The following OXR1 variants were observed in gnomAD, a reference collection of about 807,000 sequenced individuals.
OXR1 encodes the protein oxidation resistance 1, also known as oxidation resistance protein 1.
In OXR1, 41 loss-of-function variants were observed where a neutral mutation model predicts 104.6. The observed-to-expected ratio is 0.39, with a 90% CI of 0.31 to 0.51. OXR1 has a LOEUF of 0.51. OXR1 is among the 20% of genes least tolerant of loss of function. The pLI, the probability that OXR1 is intolerant of heterozygous loss-of-function variation, is 0.77. For synonymous variants in OXR1, 348 were observed against 348.4 expected, an observed-to-expected ratio of 1.00 and a Z score of 0.01; for missense variants, 955 against 1,031.9, an observed-to-expected ratio of 0.93 and a Z score of 1.02.
chr8:106,418,944 A>G (rs1486346599), intron 2 of OXR1, among the ~76,000 whole-genome samples: 1 of 152,132 alleles, frequency 6.6e-6, no homozygotes, highest in Non-Finnish European at 1.5e-5. Flanking sequence ...TAGTTTTCAG[A>G]AAAAAGTTAT....
At chr8:106,346,342 A>G (rs535769241) in intron 1 of OXR1, among the ~76,000 whole-genome samples, 6 of 152,156 alleles carry the variant, frequency 3.9e-5, no homozygotes, top group Non-Finnish European at 8.8e-5. Flanking sequence ...AGCCGGGACT[A>G]TTAAAGAAAT....
chr8:106,694,797 AATAC>A (rs1235496694), intron 7 of OXR1, among the ~76,000 whole-genome samples: 3 of 123,702 alleles, frequency 2.4e-5, no homozygotes, highest in East Asian at 4.5e-4. Context: ...TTAATAGATA[AATAC>A]ATATATATTT....
chr8:106,567,673 A>T (rs551162026), intron 3 of OXR1, among the ~76,000 whole-genome samples: 1 of 152,322 alleles, frequency 6.6e-6, no homozygotes, highest in South Asian at 2.1e-4. Context: ...TGTATCTTTT[A>T]TGCATCCTTT....
intron 1 of OXR1, among the ~76,000 whole-genome samples, chr8:106,351,201 G>T (rs73701193): frequency 0.054 from 8,176 of 152,132 alleles, 324 homozygotes; most frequent in South Asian, 0.11. Context: ...AATGTTGATT[G>T]AATACCTTCC....
chr8:106,532,009 T>G (rs1814131610), intron 3 of OXR1, among the ~76,000 whole-genome samples: 1 of 152,158 alleles, frequency 6.6e-6, no homozygotes, highest in African/African-American at 2.4e-5. Flanking sequence ...CTCAATTCAG[T>G]GGACAATTTT....
intron 3 of OXR1, among the ~76,000 whole-genome samples, chr8:106,646,379 A>C (rs1563666052): frequency 6.6e-6 from 1 of 152,146 alleles, no homozygotes; most frequent in Non-Finnish European, 1.5e-5. Context: ...AAGTGCTGGA[A>C]TTACAGGCAT....
At chr8:106,683,861 T>C (rs1432510859) in intron 5 of OXR1, among the ~76,000 whole-genome samples, 2 of 152,222 alleles carry the variant, frequency 1.3e-5, no homozygotes, top group African/African-American at 4.8e-5. Flanking sequence ...TCAATAGTGC[T>C]GTAGTAAACA....
intron 2 of OXR1, among the ~76,000 whole-genome samples, chr8:106,517,136 G>A (rs1812910108): frequency 6.6e-6 from 1 of 152,112 alleles, no homozygotes; most frequent in Non-Finnish European, 1.5e-5. Context: ...CTGGTACCCA[G>A]TGCCCAGATC....
chr8:106,560,645 C>G (rs1014372731), intron 3 of OXR1, among the ~76,000 whole-genome samples: 1 of 152,208 alleles, frequency 6.6e-6, no homozygotes, highest in African/African-American at 2.4e-5. Context: ...ACAAGTAGAT[C>G]CCACTCTCTG....
chr8:106,399,948 A>C (rs1350205088), intron 2 of OXR1, among the ~76,000 whole-genome samples: 1 of 152,146 alleles, frequency 6.6e-6, no homozygotes, highest in Non-Finnish European at 1.5e-5. Flanking sequence ...TTTCTGATTA[A>C]TTAAAGAAAA....
intron 3 of OXR1, among the ~76,000 whole-genome samples, chr8:106,642,754 A>G (rs972032315): frequency 2.0e-5 from 3 of 152,246 alleles, no homozygotes; most frequent in Non-Finnish European, 4.4e-5. Flanking sequence ...AACTGTAGTT[A>G]GGCGAATAGC....
chr8:106,727,018 C>A (rs1833410997), intron 11 of OXR1, among the ~76,000 whole-genome samples: 1 of 152,148 alleles, frequency 6.6e-6, no homozygotes, highest in Non-Finnish European at 1.5e-5. Flanking sequence ...CCCAAAGCAG[C>A]TTGCCGCCCT....
At chr8:106,489,014 C>T (rs1355925468) in intron 2 of OXR1, among the ~76,000 whole-genome samples, 1 of 149,098 alleles carries the variant, frequency 6.7e-6, no homozygotes, top group Admixed American at 6.7e-5. Flanking sequence ...TTACCTTGGG[C>T]AGTATGGCCA....
chr8:106,490,490 C>T (rs1811006217), intron 2 of OXR1, among the ~76,000 whole-genome samples: 1 of 152,148 alleles, frequency 6.6e-6, no homozygotes, highest in Non-Finnish European at 1.5e-5. Flanking sequence ...TCCCTAGTAG[C>T]TGGGACTACA....
intron 2 of OXR1, among the ~76,000 whole-genome samples, chr8:106,487,386 C>A (rs1810750009): frequency 7.1e-6 from 1 of 141,386 alleles, no homozygotes; most frequent in Admixed American, 7.5e-5. Context: ...TTTATGGATA[C>A]ATAACAATTG....
rs768299653 is a variant in OXR1, at chr8:106,706,821, T to G, written c.1300T>G (p.Ser434Ala). Residue 434 changes from serine (S) to alanine (A), a missense_variant, in exon 9 of 17, where the codon TCA becomes GCA. Physicochemically the swap from Ser to Ala is moderately conservative, Grantham distance 99. Coordinates refer to ENST00000517566, the MANE Select transcript of OXR1 (RefSeq NM_001198533.2). ...GATTGCAGATAACTTTCAAGGAATA[T>G]CAGGTCCTAAAGAAGACAGCACAAG... ...DQIADNFQGISGPKEDSTSIK... is the reference protein window; with the variant it reads ...DQIADNFQGIAGPKEDSTSIK... 21 of 1,612,404 alleles carry G rather than the reference T, an allele frequency of 1.3e-5. No homozygotes were observed. The highest frequency in any genetic ancestry group is 1.7e-5 in the Non-Finnish European group (20 of 1,179,560).
intron 1 of OXR1, among the ~76,000 whole-genome samples, chr8:106,289,404 C>T (rs186150867): frequency 2.8e-4 from 43 of 152,146 alleles, no homozygotes; most frequent in Admixed American, 2.8e-3. Context: ...GATCACAATC[C>T]CATTTACAAT....
intron 2 of OXR1, among the ~76,000 whole-genome samples, chr8:106,437,555 G>A (rs1444334619): frequency 6.6e-6 from 1 of 152,054 alleles, no homozygotes; most frequent in Non-Finnish European, 1.5e-5. Flanking sequence ...AAATTAGGAA[G>A]CATATAAGCA....
chr8:106,402,433 G>A (rs1333633718), intron 2 of OXR1, among the ~76,000 whole-genome samples: 1 of 152,180 alleles, frequency 6.6e-6, no homozygotes, highest in Non-Finnish European at 1.5e-5. Flanking sequence ...GCCAGCTGCT[G>A]AGTATATTTA....
Sources: gnomAD v4.1 joint callset for allele counts (sites outside exome capture counted in the v4.1 genomes callset) on GRCh38, gnomAD v4.1.1 for gene constraint, MANE v1.5 for transcripts, NCBI Gene and HGNC (gene_info 2026-07-23, HGNC 2026-07-21) for gene names.